Variants in RANBP2 observed in about 807,000 individuals in gnomAD.
RANBP2 encodes the protein RAN binding protein 2.
A neutral mutation model predicts 303.6 loss-of-function variants in RANBP2; 57 were observed. The observed-to-expected ratio is 0.19, with a 90% CI of 0.15 to 0.23. The LOEUF (loss-of-function observed/expected upper bound fraction) is 0.23. Ranked by LOEUF, RANBP2 falls within the 10% of genes least tolerant of loss-of-function variation. The probability of loss-of-function intolerance (pLI) is 1.00; values close to 1 mark genes in which losing one functional copy is unlikely to be tolerated. For synonymous variants in RANBP2, 1,167 were observed against 1,301.5 expected (o/e 0.90, Z 2.23); for missense variants, 3,138 against 3,780.8 (o/e 0.83, Z 4.46).
the RANBP2 span, among the ~76,000 whole-genome samples, chr2:109,068,908 C>T: frequency 3.3e-5 from 5 of 152,184 alleles, no homozygotes; most frequent in Non-Finnish European, 7.3e-5. Context: ...AATGGAAAAA[C>T]CAATTGATTT....
chr2:109,405,370 C>T, the RANBP2 span, among the ~76,000 whole-genome samples: 1 of 152,164 alleles, frequency 6.6e-6, no homozygotes, highest in East Asian at 1.9e-4. Flanking sequence ...ACACTGACTC[C>T]CTGCCCCTGA....
chr2:108,960,916 A>T, the RANBP2 span, among the ~76,000 whole-genome samples: 1 of 152,216 alleles, frequency 6.6e-6, no homozygotes, highest in Non-Finnish European at 1.5e-5. Context: ...CTAAGGCTGG[A>T]CATTCGACTT....
At chr2:108,945,892 G>A in the RANBP2 span, among the ~76,000 whole-genome samples, 4 of 152,168 alleles carry the variant, frequency 2.6e-5, no homozygotes, top group African/African-American at 9.7e-5. Flanking sequence ...AATGTGGGTT[G>A]CCAGGGGCAC....
chr2:109,499,861 G>A, the RANBP2 span, among the ~76,000 whole-genome samples: 1 of 152,196 alleles, frequency 6.6e-6, no homozygotes, highest in Non-Finnish European at 1.5e-5. Context: ...ACTGACATTT[G>A]CAATGGGGAA....
At chr2:109,483,001 T>A in the RANBP2 span, among the ~76,000 whole-genome samples, 1 of 152,256 alleles carries the variant, frequency 6.6e-6, no homozygotes, top group Non-Finnish European at 1.5e-5. Flanking sequence ...CTGTTTCTTT[T>A]AATTATCTCG....
chr2:109,760,578 G>GC, the RANBP2 span, among the ~76,000 whole-genome samples: 1 of 142,630 alleles, frequency 7.0e-6, no homozygotes, highest in Non-Finnish European at 1.5e-5. Context: ...GGCGTCGGGA[G>GC]CCCCGACCTG....
chr2:109,234,471 T>C, the RANBP2 span, among the ~76,000 whole-genome samples: 2 of 152,262 alleles, frequency 1.3e-5, no homozygotes, highest in African/African-American at 2.4e-5. Context: ...TGGGGAACAC[T>C]GGGCTAGAGA....
chr2:109,235,054 G>A, the RANBP2 span, among the ~76,000 whole-genome samples: 1 of 152,180 alleles, frequency 6.6e-6, no homozygotes, highest in African/African-American at 2.4e-5. Flanking sequence ...AGGCCATCAT[G>A]TTCTCCTTTA....
the RANBP2 span, among the ~76,000 whole-genome samples, chr2:108,967,679 T>C: frequency 5.3e-5 from 8 of 152,290 alleles, no homozygotes; most frequent in Non-Finnish European, 1.2e-4. Context: ...TTGCTTCAAT[T>C]TTACTTCATA....
chr2:109,267,245 G>T, the RANBP2 span, among the ~76,000 whole-genome samples: 2 of 152,070 alleles, frequency 1.3e-5, no homozygotes, highest in African/African-American at 4.8e-5. Flanking sequence ...GCATGTAAAG[G>T]CACACAATGG....
the RANBP2 span, among the ~76,000 whole-genome samples, chr2:109,652,521 T>G: frequency 6.6e-6 from 1 of 152,082 alleles, no homozygotes; most frequent in South Asian, 2.1e-4. Context: ...AGGTTTTGTC[T>G]CTCATCACCG....
chr2:108,740,209 G>A (rs987961196), intron 6 of RANBP2, among the ~76,000 whole-genome samples: 4 of 152,128 alleles, frequency 2.6e-5, no homozygotes, highest in South Asian at 4.1e-4. Flanking sequence ...ATTTTGAAAT[G>A]TGCACCTATA....
At chr2:109,319,341 G>T in the RANBP2 span, among the ~76,000 whole-genome samples, 1 of 152,204 alleles carries the variant, frequency 6.6e-6, no homozygotes, top group Non-Finnish European at 1.5e-5. Context: ...CAGGTTAGTT[G>T]ACTGCAAAGA....
At chr2:109,249,502 TTTC>T in the RANBP2 span, among the ~76,000 whole-genome samples, 1 of 30,778 alleles carries the variant, frequency 3.2e-5, no homozygotes, top group Non-Finnish European at 5.2e-5. Context: ...TCTTTCTTTC[TTTC>T]TTTCATTCTT....
chr2:109,225,927 G>A, the RANBP2 span, among the ~76,000 whole-genome samples: 3 of 152,288 alleles, frequency 2.0e-5, no homozygotes, highest in East Asian at 5.8e-4. Flanking sequence ...CACCATGCCA[G>A]CTAAAAGTTT....
At chr2:109,371,786 G>T in the RANBP2 span, 1 of 938,422 alleles carries the variant, frequency 1.1e-6, no homozygotes, top group Non-Finnish European at 1.7e-6. Context: ...AGAGAAAGAG[G>T]ATCCTCCACA....
At chr2:108,965,023 T>G in the RANBP2 span, among the ~76,000 whole-genome samples, 885 of 152,284 alleles carry the variant, frequency 5.8e-3, 5 homozygotes, top group Non-Finnish European at 9.9e-3. Context: ...TACATGAACA[T>G]TCTAAAAACT....
the RANBP2 span, among the ~76,000 whole-genome samples, chr2:109,612,698 C>T: frequency 2.0e-5 from 3 of 152,290 alleles, no homozygotes; most frequent in African/African-American, 7.2e-5. Flanking sequence ...CTCACCAGGA[C>T]CCCTCAATTT....
the RANBP2 span, among the ~76,000 whole-genome samples, chr2:108,809,707 A>C: frequency 3.3e-5 from 5 of 152,126 alleles, no homozygotes; most frequent in Admixed American, 2.6e-4. Flanking sequence ...CAAATTTATC[A>C]GTTCTGAGAA....
Sources: gnomAD v4.1 joint callset for allele counts (sites outside exome capture counted in the v4.1 genomes callset) on GRCh38, gnomAD v4.1.1 for gene constraint, MANE v1.5 for transcripts, NCBI Gene and HGNC (gene_info 2026-07-23, HGNC 2026-07-21) for gene names.